Variants in PSD3 observed in about 807,000 individuals in gnomAD.
PSD3 encodes the protein PH and SEC7 domain-containing protein 3.
PSD3 carries 49 observed loss-of-function variants against 105.5 expected under a neutral mutation model. The ratio of observed to expected loss-of-function variants is 0.46; its 90% confidence interval spans 0.37 to 0.59. The LOEUF is 0.59. Ranked by LOEUF, PSD3 falls within the 20% of genes least tolerant of loss-of-function variation. The pLI is 0.00. For missense variants in PSD3, 1,561 were observed against 1,263.8 expected (o/e 1.24, Z -3.57); for synonymous variants, 557 against 457.8 (o/e 1.22, Z -2.77).
intron 4 of PSD3, among the ~76,000 whole-genome samples, chr8:18,858,583 CCT>C (rs1162152002): frequency 6.6e-6 from 1 of 152,040 alleles, no homozygotes; most frequent in Non-Finnish European, 1.5e-5. Flanking sequence ...TAAAGTCAAT[CCT>C]CTCAAACCTT....
intron 2 of PSD3, among the ~76,000 whole-genome samples, chr8:18,882,215 A>C (rs1474702914): frequency 6.6e-6 from 1 of 151,692 alleles, no homozygotes; most frequent in East Asian, 1.9e-4. Flanking sequence ...CTCAACAAAC[A>C]AACAAACAAA....
chr8:18,797,804 T>A (rs1780452125), intron 8 of PSD3, among the ~76,000 whole-genome samples: 1 of 152,120 alleles, frequency 6.6e-6, no homozygotes, highest in South Asian at 2.1e-4. Context: ...CCATTAAACT[T>A]TTCTCAGTTA....
At chr8:18,624,840 T>G (rs1023631545) in intron 11 of PSD3, among the ~76,000 whole-genome samples, 46 of 152,180 alleles carry the variant, frequency 3.0e-4, no homozygotes, top group East Asian at 1.9e-3. Flanking sequence ...AGTCTTTACT[T>G]TTAGTGTAAT....
At chr8:18,879,778 T>G (rs1799536936) in intron 2 of PSD3, among the ~76,000 whole-genome samples, 1 of 152,066 alleles carries the variant, frequency 6.6e-6, no homozygotes. Flanking sequence ...TTTATTTTTT[T>G]GTAGAGACGG....
At position 18,535,573 on chromosome 8, in the gene PSD3, G is replaced by C. The variant is rs1388297368; in HGVS notation, c.*170C>G. The C allele has an allele frequency of 3.2e-6, 2 of 623,194 alleles. No individual in the cohort carries two copies. The highest frequency in any genetic ancestry group is 2.8e-5 in the East Asian group (1 of 35,960). The allele number at this position is 623,194 out of a possible 1,614,324, so 38.6% of individuals were successfully genotyped here. On this transcript the variant is annotated 3_prime_UTR_variant, in exon 16 of 16. Coordinates refer to ENST00000327040, the MANE Select transcript of PSD3 (RefSeq NM_015310.4). ...AAATCATCAAAGCAAAAGAAATCAAGAGCAAAGACAATCTGTACAGAAACT... is the reference window on the plus strand; with the variant it reads ...AAATCATCAAAGCAAAAGAAATCAACAGCAAAGACAATCTGTACAGAAACT...
At chr8:19,047,194 T>C (rs1828350485) in intron 1 of PSD3, among the ~76,000 whole-genome samples, 1 of 152,180 alleles carries the variant, frequency 6.6e-6, no homozygotes. Flanking sequence ...AGCTGTTGAT[T>C]TGCTGATGAT....
At chr8:19,007,097 A>G (rs35372676) in intron 1 of PSD3, among the ~76,000 whole-genome samples, 53,491 of 151,846 alleles carry the variant, frequency 0.35, 11,260 homozygotes, top group Middle Eastern at 0.6. Context: ...TCTACTAAAA[A>G]TACGAAACAG....
intron 2 of PSD3, among the ~76,000 whole-genome samples, chr8:18,883,147 T>C (rs1368086973): frequency 1.3e-5 from 2 of 152,158 alleles, no homozygotes; most frequent in Non-Finnish European, 2.9e-5. Context: ...CCCAGAGGAT[T>C]TGTATACACG....
chr8:18,862,164 T>C (rs1324988189), intron 4 of PSD3, among the ~76,000 whole-genome samples: 1 of 152,204 alleles, frequency 6.6e-6, no homozygotes, highest in East Asian at 1.9e-4. Flanking sequence ...TCTTGATTTT[T>C]GTTCCATCTG....
At chr8:18,773,587 A>C (rs1337840197) in intron 8 of PSD3, among the ~76,000 whole-genome samples, 1 of 152,112 alleles carries the variant, frequency 6.6e-6, no homozygotes, top group Non-Finnish European at 1.5e-5. Context: ...TAAAAAAATT[A>C]AGTCTTCCAG....
intron 2 of PSD3, among the ~76,000 whole-genome samples, chr8:18,899,107 A>G (rs1819333459): frequency 6.6e-6 from 1 of 152,108 alleles, no homozygotes; most frequent in Admixed American, 6.5e-5. Flanking sequence ...ATCTCATGTC[A>G]ATTTGTTTTC....
intron 2 of PSD3, among the ~76,000 whole-genome samples, chr8:18,903,492 C>T (rs921128457): frequency 1.3e-5 from 2 of 152,124 alleles, no homozygotes; most frequent in African/African-American, 4.8e-5. Context: ...ACAGATGTGT[C>T]CCAACAGCTC....
chr8:18,540,063 A>G (rs932502520), intron 15 of PSD3, among the ~76,000 whole-genome samples: 1 of 152,162 alleles, frequency 6.6e-6, no homozygotes, highest in African/African-American at 2.4e-5. Flanking sequence ...TATGGTTTAA[A>G]GCAGGCGTGA....
At chr8:18,918,905 G>T (rs889135737) in intron 2 of PSD3, among the ~76,000 whole-genome samples, 11 of 152,070 alleles carry the variant, frequency 7.2e-5, no homozygotes, top group Non-Finnish European at 1.3e-4. Flanking sequence ...ACCCGGGGAA[G>T]ACTATCTGGT....
At chr8:18,955,179 C>A (rs992034300) in intron 1 of PSD3, among the ~76,000 whole-genome samples, 3 of 152,198 alleles carry the variant, frequency 2.0e-5, no homozygotes, top group Admixed American at 2.0e-4. Flanking sequence ...CCCCCGGCAT[C>A]TCCTTCATTC....
At chr8:18,793,840 T>C (rs1013226377) in intron 8 of PSD3, among the ~76,000 whole-genome samples, 12 of 152,198 alleles carry the variant, frequency 7.9e-5, no homozygotes, top group African/African-American at 2.7e-4. Flanking sequence ...ATAGTGATCA[T>C]TACAGATGCA....
intron 9 of PSD3, among the ~76,000 whole-genome samples, chr8:18,675,279 A>G (rs1270013665): frequency 1.3e-5 from 2 of 152,178 alleles, no homozygotes; most frequent in East Asian, 3.9e-4. Flanking sequence ...TGCTTCCTGT[A>G]AACACCTTGG....
At chr8:18,742,703 C>T (rs949063645) in intron 9 of PSD3, among the ~76,000 whole-genome samples, 2 of 152,190 alleles carry the variant, frequency 1.3e-5, no homozygotes, top group African/African-American at 4.8e-5. Flanking sequence ...ATTTTGGTGC[C>T]CAACTCCAGG....
chr8:18,630,912 G>A (rs1428492859), intron 11 of PSD3, among the ~76,000 whole-genome samples: 2 of 152,012 alleles, frequency 1.3e-5, no homozygotes, highest in Non-Finnish European at 1.5e-5. Flanking sequence ...GGGAGGATAT[G>A]CATCAGTTAT....
Sources: gnomAD v4.1 joint callset for allele counts (sites outside exome capture counted in the v4.1 genomes callset) on GRCh38, gnomAD v4.1.1 for gene constraint, MANE v1.5 for transcripts, NCBI Gene and HGNC (gene_info 2026-07-23, HGNC 2026-07-21) for gene names.